NUP93: variants seen among roughly 807,000 people sequenced by gnomAD.
The protein encoded by NUP93 is nuclear pore complex protein Nup93.
A neutral mutation model predicts 107.8 loss-of-function variants in NUP93; 55 were observed. The observed-to-expected ratio is 0.51, with a 90% CI of 0.41 to 0.64. The LOEUF is 0.64. Among genes scored for constraint, NUP93 ranks in the 30% least tolerant of loss-of-function variants. NUP93 has a pLI of 0.00. For missense variants in NUP93, 937 were observed against 1,044.7 expected, an observed-to-expected ratio of 0.90 and a Z score of 1.42; for synonymous variants, 390 against 397.5, an observed-to-expected ratio of 0.98 and a Z score of 0.22.
chr16:56,731,386 TTTTTC>T (rs1243009147), intron 1 of NUP93, among the ~76,000 whole-genome samples: 1 of 152,088 alleles, frequency 6.6e-6, no homozygotes, highest in African/African-American at 2.4e-5. Context: ...GCTGTCTTTC[TTTTTC>T]TTTTCTTTCC....
intron 3 of NUP93, among the ~76,000 whole-genome samples, chr16:56,762,554 G>A (rs1338558993): frequency 1.3e-5 from 2 of 152,184 alleles, no homozygotes; most frequent in African/African-American, 4.8e-5. Context: ...TGTACAACAT[G>A]AATAAATATG....
At chr16:56,734,281 CTAGG>C (rs1961577306) in intron 1 of NUP93, among the ~76,000 whole-genome samples, 1 of 152,246 alleles carries the variant, frequency 6.6e-6, no homozygotes, top group Non-Finnish European at 1.5e-5. Flanking sequence ...AGGGGGTTAG[CTAGG>C]TAGGTATTTT....
At chr16:56,780,569 T>C (rs980176146) in intron 3 of NUP93, among the ~76,000 whole-genome samples, 1 of 152,222 alleles carries the variant, frequency 6.6e-6, no homozygotes, top group African/African-American at 2.4e-5. Context: ...AGTTCTGATG[T>C]AAGAAATAAG....
intron 3 of NUP93, among the ~76,000 whole-genome samples, chr16:56,791,015 C>A (rs1253735514): frequency 6.6e-6 from 1 of 152,096 alleles, no homozygotes; most frequent in African/African-American, 2.4e-5. Context: ...ATGTTGGCTG[C>A]AGATTTCCTA....
rs1012552974 is a variant in NUP93, at chr16:56,848,944, C to T, written c.*4335C>T. On this transcript the variant is annotated 3_prime_UTR_variant, in exon 22 of 22. Coordinates refer to ENST00000308159, the MANE Select transcript of NUP93 (RefSeq NM_014669.5). Reference sequence around the variant, plus strand: ...AGTACTCGTGGTTCTAAGTTGCTAACCCAGGGAAAGAGGATATTTTCCTGT... The same window carrying T: ...AGTACTCGTGGTTCTAAGTTGCTAATCCAGGGAAAGAGGATATTTTCCTGT... The T allele has an allele frequency of 6.8e-6, 1 of 148,076 alleles. No homozygotes were observed. Among genetic ancestry groups the T allele is most frequent in the Admixed American group, 6.7e-5 (1 of 14,906 alleles). The allele number at this position is 148,076 out of a possible 1,614,324, so 9.2% of individuals were successfully genotyped here.
At chr16:56,794,348 G>GACAC (rs144089162) in intron 3 of NUP93, among the ~76,000 whole-genome samples, 1 of 151,532 alleles carries the variant, frequency 6.6e-6, no homozygotes, top group African/African-American at 2.4e-5. Context: ...GGTGAGGTTT[G>GACAC]ACACACACAC....
intron 3 of NUP93, among the ~76,000 whole-genome samples, chr16:56,772,534 A>G (rs911680094): frequency 6.6e-6 from 1 of 151,986 alleles, no homozygotes; most frequent in Non-Finnish European, 1.5e-5. Context: ...TCCTCTGACC[A>G]TTTCTTACCT....
At chr16:56,737,535 T>C (rs1207012089) in intron 1 of NUP93, among the ~76,000 whole-genome samples, 23 of 152,152 alleles carry the variant, frequency 1.5e-4, no homozygotes, top group Admixed American at 1.5e-3. Context: ...CCCCCTACAC[T>C]CCCAAGGATA....
intron 5 of NUP93, among the ~76,000 whole-genome samples, chr16:56,812,323 A>G (rs2144591069): frequency 6.6e-6 from 1 of 152,214 alleles, no homozygotes; most frequent in African/African-American, 2.4e-5. Flanking sequence ...AGACATTGGT[A>G]ATATCTGTTC....
Position 56,836,655 on chromosome 16 carries a change from G to C in NUP93, c.1837G>C (p.Ala613Pro), listed in dbSNP as rs1596860697. Reference sequence around the variant, plus strand: ...CACAAAGCCTATTATCAACAAAGTTGCTTCTGTGGCAGAAAATAAAGGACT... The same window carrying C: ...CACAAAGCCTATTATCAACAAAGTTCCTTCTGTGGCAGAAAATAAAGGACT... The part of the protein sequence containing the change: ...SDTKPIINKV[A>P]SVAENKGLFE... The change falls in exon 17 of 22, where the codon GCT becomes CCT. Residue 613 changes from alanine to proline, a missense_variant. Coordinates refer to ENST00000308159, the MANE Select transcript of NUP93 (RefSeq NM_014669.5). The C allele has an allele frequency of 1.2e-6, 2 of 1,614,134 alleles. No individual in the cohort carries two copies. Among genetic ancestry groups the C allele is most frequent in the South Asian group, 1.1e-5 (1 of 91,080 alleles).
intron 5 of NUP93, among the ~76,000 whole-genome samples, chr16:56,809,197 C>G (rs992916044): frequency 6.6e-6 from 1 of 152,134 alleles, no homozygotes; most frequent in Non-Finnish European, 1.5e-5. Context: ...GGAGCCAGGG[C>G]TTGCCACACA....
At chr16:56,835,556 G>T (rs1168048745) in intron 16 of NUP93, among the ~76,000 whole-genome samples, 5 of 152,168 alleles carry the variant, frequency 3.3e-5, no homozygotes, top group African/African-American at 1.2e-4. Flanking sequence ...CTGCACTGGG[G>T]CCAGGAGGCT....
intron 3 of NUP93, among the ~76,000 whole-genome samples, chr16:56,795,300 A>C (rs1300724643): frequency 3.3e-5 from 5 of 152,198 alleles, no homozygotes; most frequent in Non-Finnish European, 5.9e-5. Flanking sequence ...GCCACATTGG[A>C]GACCACTAAT....
Position 56,802,038 on chromosome 16 carries a change from G to GA in NUP93, c.361-3459dup, listed in dbSNP as rs199617350. Reference sequence around the variant, plus strand: ...TCTTAGCCAGAGGTCTTGTCCTTAAGAAAAAAAGACTTGCTACACTTTGTG... The same window carrying GA: ...TCTTAGCCAGAGGTCTTGTCCTTAAGAAAAAAAAGACTTGCTACACTTTGTG... On this transcript the variant is annotated intron_variant, in intron 4 of 21. Transcript: ENST00000308159. 6.4e-3 allele frequency among the ~76,000 whole-genome samples: 974 copies of GA among 152,164 alleles called. 18 individuals carry two copies. The highest frequency in any genetic ancestry group is 0.023 in the African/African-American group (946 of 41,514).
intron 21 of NUP93, among the ~76,000 whole-genome samples, chr16:56,843,980 G>A (rs778034701): frequency 2.0e-5 from 3 of 152,222 alleles, no homozygotes; most frequent in African/African-American, 4.8e-5. Flanking sequence ...GTCGGGAAGG[G>A]AGAAACAGGA....
chr16:56,838,631 T>C (rs531584391), intron 18 of NUP93, among the ~76,000 whole-genome samples: 1 of 152,290 alleles, frequency 6.6e-6, no homozygotes, highest in Non-Finnish European at 1.5e-5. Flanking sequence ...AGTAGTGCAG[T>C]CATAGCTCAC....
chr16:56,743,490 A>G (rs1392514304), intron 1 of NUP93, among the ~76,000 whole-genome samples: 1 of 152,124 alleles, frequency 6.6e-6, no homozygotes, highest in Non-Finnish European at 1.5e-5. Context: ...GATCTGCATT[A>G]TGGGAGCTTC....
chr16:56,797,946 C>G (rs1439310958), intron 3 of NUP93, among the ~76,000 whole-genome samples: 1 of 152,130 alleles, frequency 6.6e-6, no homozygotes, highest in Non-Finnish European at 1.5e-5. Flanking sequence ...ATCATCAGAC[C>G]TGAAACAGAG....
chr16:56,842,636 T>C (rs1039966160), intron 21 of NUP93: 7 of 450,978 alleles, frequency 1.6e-5, no homozygotes, highest in Non-Finnish European at 3.1e-5. Flanking sequence ...CACTGCAACC[T>C]CTACCTCTTG....
Sources: allele counts gnomAD v4.1 joint callset (sites outside exome capture counted in the v4.1 genomes callset), GRCh38; gene constraint gnomAD v4.1.1; transcripts MANE v1.5; gene names NCBI Gene and HGNC (gene_info 2026-07-23, HGNC 2026-07-21).